Variants in COPZ1 observed in about 807,000 individuals in gnomAD.
COPZ1 encodes coat protein complex I subunit zeta 1.
COPZ1 carries 4 observed loss-of-function variants against 31.7 expected under a neutral mutation model. The ratio of observed to expected loss-of-function variants is 0.13; its 90% CI spans 0.06 to 0.29. COPZ1 has a LOEUF of 0.29. Ranked by LOEUF, COPZ1 falls within the 10% of genes least tolerant of loss-of-function variation. The pLI, the probability that COPZ1 is intolerant of heterozygous loss-of-function variation, is 1.00. For synonymous variants in COPZ1, 74 were observed against 79.0 expected (o/e 0.94, Z 0.33); for missense variants, 156 against 211.5 (o/e 0.74, Z 1.63).
At chr12:54,331,560 T>C (rs564306642) in intron 1 of COPZ1, among the ~76,000 whole-genome samples, 61 of 152,200 alleles carry the variant, frequency 4.0e-4, no homozygotes, top group African/African-American at 1.4e-3. Context: ...CTGCAACTCC[T>C]TTTCTGTTGT....
intron 4 of COPZ1, among the ~76,000 whole-genome samples, chr12:54,344,276 T>C (rs1954022892): frequency 6.6e-6 from 1 of 151,762 alleles, no homozygotes; most frequent in South Asian, 2.1e-4. Flanking sequence ...CATGGCGAAA[T>C]CCCATCTCTA....
At chr12:54,334,014 T>C (rs1218061793) in intron 1 of COPZ1, among the ~76,000 whole-genome samples, 3 of 152,096 alleles carry the variant, frequency 2.0e-5, no homozygotes, top group Non-Finnish European at 4.4e-5. Context: ...GAGGATCGCT[T>C]GAGCCTGGGA....
chr12:54,335,736 A>G (rs1223598091), intron 1 of COPZ1, among the ~76,000 whole-genome samples: 2 of 151,778 alleles, frequency 1.3e-5, no homozygotes, highest in African/African-American at 2.4e-5. Context: ...CAGTAGCGCA[A>G]TTGTAGCTCA....
chr12:54,343,441 T>C, intron 4 of COPZ1, 125 bp downstream of exon 4: 1 of 744,764 alleles, frequency 1.3e-6, no homozygotes, highest in South Asian at 1.7e-5. Context: ...GCTAATGAAG[T>C]TGTCAGAGAT....
At chr12:54,325,254 G>C (rs1953607871) in intron 1 of COPZ1, 73 bp downstream of exon 1, 10 of 1,516,576 alleles carry the variant, frequency 6.6e-6, no homozygotes, top group Non-Finnish European at 8.9e-6. Flanking sequence ...GCCCGAGTGG[G>C]AGACGGGGAA....
intron 1 of COPZ1, among the ~76,000 whole-genome samples, chr12:54,333,119 C>T (rs938376533): frequency 2.0e-5 from 3 of 152,146 alleles, no homozygotes; most frequent in Admixed American, 6.6e-5. Context: ...TCTTGGCTCA[C>T]TGCAATCTCC....
At chr12:54,348,217 C>T in intron 7 of COPZ1, 166 bp downstream of exon 7, 2 of 625,778 alleles carry the variant, frequency 3.2e-6, no homozygotes, top group Non-Finnish European at 5.6e-6. Context: ...TCTTATTGTC[C>T]CAAAGAAAGA....
intron 1 of COPZ1, among the ~76,000 whole-genome samples, chr12:54,329,920 C>T (rs530218548): frequency 6.6e-6 from 1 of 152,242 alleles, no homozygotes; most frequent in Non-Finnish European, 1.5e-5. Context: ...TTGTTAAATT[C>T]CTTTGGCCCT....
chr12:54,349,320 C>T (rs1486594265), intron 7 of COPZ1, among the ~76,000 whole-genome samples: 2 of 152,096 alleles, frequency 1.3e-5, no homozygotes, highest in Non-Finnish European at 2.9e-5. Context: ...GGTCCTCCAC[C>T]CCCACGTTAA....
At chr12:54,349,564 A>G (rs930439452) in intron 7 of COPZ1, 56 bp from the exon 8 acceptor site, 8 of 1,403,984 alleles carry the variant, frequency 5.7e-6, no homozygotes, top group African/African-American at 5.6e-5. Flanking sequence ...CCAGACTCCA[A>G]TCAGGTCTTA....
rs1314308091 is a variant in COPZ1 at position 54,343,236 on chromosome 12, C to T, written c.181C>T (p.Leu61Phe). The stretch of plus-strand genomic sequence containing the variant: ...TTTTCCCCCACCAGGTGAAATTGCC[C>T]TCTTGGAAGGCCTGACAGTGGTATA... ...KTHRTDSEIA[L>F]LEGLTVVYKS... Residue 61 changes from leucine to phenylalanine, a missense_variant, in exon 4 of 9, where the codon CTC becomes TTC. Transcript: ENST00000262061. 3 of 1,613,840 alleles carry T rather than the reference C, an allele frequency of 1.9e-6. No individual in the cohort carries two copies. The highest frequency in any genetic ancestry group is 4.5e-5 in the East Asian group (2 of 44,880).
chr12:54,340,589 A>G lies in COPZ1; in HGVS notation c.61A>G (p.Asn21Asp), dbSNP rs755444065. 6.6e-5 allele frequency: 106 copies of G among 1,613,982 alleles called. No individual in the cohort carries two copies. Among genetic ancestry groups the G allele is most frequent in the Non-Finnish European group, 1.7e-6 (2 of 1,180,010 alleles). Reference protein sequence around the residue: ...YTVKAILILDNDGDRLFAKYY... With the variant: ...YTVKAILILDDDGDRLFAKYY... ...TGTCAAAGCCATCCTGATTCTGGAC[A>G]ATGATGGAGATCGACTTTTTGCCAA... Residue 21 changes from asparagine (N) to aspartate (D), a missense_variant, in exon 2 of 9, where the codon AAT becomes GAT. Asn to Asp is a conservative substitution (Grantham distance 23). Coordinates refer to ENST00000262061, the MANE Select transcript of COPZ1 (RefSeq NM_016057.3).
rs903035841 is a variant in COPZ1 at position 54,350,635 on chromosome 12, G to C, written c.*112G>C. 3.4e-6 allele frequency: 3 copies of C among 881,968 alleles called. No individual in the cohort carries two copies. Among genetic ancestry groups the C allele is most frequent in the Non-Finnish European group, 5.8e-6 (3 of 520,508 alleles). 54.6% of individuals were successfully genotyped at this position (881,968 alleles called of 1,614,324 possible). A position where few individuals can be genotyped will look rare whatever the true frequency, so the allele number is the denominator to read the frequency against. On this transcript the variant is annotated 3_prime_UTR_variant, in exon 9 of 9. Transcript: ENST00000262061. ...TCAGGGTCATCTCGGGGATCACAGG[G>C]ATCCTTAAATCTCCATTCTGTTTGT... is the stretch of plus-strand genomic sequence containing the variant.
Position 54,350,902 on chromosome 12 carries a change from G to T in COPZ1, c.*379G>T. 4.1e-6 allele frequency: 1 copy of T among 244,932 alleles called. No homozygotes were observed. Among genetic ancestry groups the T allele is most frequent in the East Asian group, 8.8e-5 (1 of 11,352 alleles). 15.2% of individuals were successfully genotyped at this position (244,932 alleles called of 1,614,324 possible). On this transcript the variant is annotated 3_prime_UTR_variant, in exon 9 of 9. Transcript: ENST00000262061. Reference sequence around the variant, plus strand: ...ATGTGCTGAGTGTTTTCCTCCCTTTGCCTCTACCTGGCCCTCATCCCAACA... The same window carrying T: ...ATGTGCTGAGTGTTTTCCTCCCTTTTCCTCTACCTGGCCCTCATCCCAACA...
At position 54,351,537 on chromosome 12, in the gene COPZ1, A is replaced by G. The variant is rs1239434056; in HGVS notation, c.*1014A>G. On this transcript the variant is annotated 3_prime_UTR_variant, in exon 9 of 9. Coordinates refer to ENST00000262061, the MANE Select transcript of COPZ1 (RefSeq NM_016057.3). Reference sequence around the variant, plus strand: ...CTCTCCCTGTCTCTAGGTCGCTGAGAGAGGTGCTTTTCTTCATAAAACCTT... The same window carrying G: ...CTCTCCCTGTCTCTAGGTCGCTGAGGGAGGTGCTTTTCTTCATAAAACCTT... 5.3e-5 allele frequency: 8 copies of G among 152,182 alleles called. No individual in the cohort carries two copies. The highest frequency in any genetic ancestry group is 1.7e-4 in the African/African-American group (7 of 41,432). 9.4% of individuals were successfully genotyped at this position (152,182 alleles called of 1,614,324 possible).
At chr12:54,337,689 G>A (rs1163679983) in intron 1 of COPZ1, among the ~76,000 whole-genome samples, 3 of 152,198 alleles carry the variant, frequency 2.0e-5, no homozygotes, top group Non-Finnish European at 4.4e-5. Flanking sequence ...GAGAATTGAA[G>A]CGGCATTTAA....
At chr12:54,339,752 T>C (rs1022728502) in intron 1 of COPZ1, among the ~76,000 whole-genome samples, 2 of 152,116 alleles carry the variant, frequency 1.3e-5, no homozygotes, top group African/African-American at 4.8e-5. Context: ...ATTTGATTCT[T>C]GGTAGTGGAA....
rs930797909 is a variant in COPZ1, at chr12:54,349,831, T to A, written c.486+173T>A. The A allele has an allele frequency of 1.0e-5, 7 of 700,144 alleles. No individual in the cohort carries two copies. In the Middle Eastern group the frequency reaches 1.6e-3, roughly 157 times the overall value. The allele number at this position is 700,144 out of a possible 1,614,324, so 43.4% of individuals were successfully genotyped here. ...CATACAGCCAGCCACTCCCTACCCC[T>A]ACTTCCAACTCCTTTCTCAGTTACC... On this transcript the variant is annotated intron_variant, in intron 8 of 8. Coordinates refer to ENST00000262061, the MANE Select transcript of COPZ1 (RefSeq NM_016057.3).
intron 6 of COPZ1, 30 bp downstream of exon 6, chr12:54,347,874 G>C (rs1456525832): frequency 6.2e-7 from 1 of 1,611,652 alleles, no homozygotes; most frequent in Admixed American, 1.7e-5. Flanking sequence ...TTGATCTTGG[G>C]TGAGGTGGCG....
Sources: gnomAD v4.1 joint callset for allele counts (sites outside exome capture counted in the v4.1 genomes callset) on GRCh38, gnomAD v4.1.1 for gene constraint, MANE v1.5 for transcripts, NCBI Gene and HGNC (gene_info 2026-07-23, HGNC 2026-07-21) for gene names.